PRIMA1: variants seen among roughly 807,000 people sequenced by gnomAD.
The protein encoded by PRIMA1 is proline rich membrane anchor 1.
A neutral mutation model predicts 17.5 loss-of-function variants in PRIMA1; 7 were observed. The observed-to-expected ratio is 0.40, with a 90% CI of 0.23 to 0.75. The LOEUF (loss-of-function observed/expected upper bound fraction) is 0.75, where lower values mean the gene tolerates loss of function less well. PRIMA1 is among the 30% of genes least tolerant of loss of function. PRIMA1 has a pLI of 0.37. For synonymous variants in PRIMA1, 97 were observed against 77.9 expected, an observed-to-expected ratio of 1.25 and a Z score of -1.29; for missense variants, 200 against 201.8, an observed-to-expected ratio of 0.99 and a Z score of 0.05.
intron 4 of PRIMA1, among the ~76,000 whole-genome samples, chr14:93,734,240 C>T (rs537975045): frequency 4.6e-5 from 7 of 152,240 alleles, no homozygotes; most frequent in African/African-American, 1.2e-4. Context: ...GCTTACACCC[C>T]AACTGCCTGC....
rs2076036437 is a variant in PRIMA1 at position 93,721,349 on chromosome 14, GA to G, written c.*94del. 5 of 762,004 alleles carry G rather than the reference GA, an allele frequency of 6.6e-6. No homozygotes were observed. In the African/African-American group the frequency reaches 8.5e-5, roughly 13 times the overall value. 47.2% of individuals were successfully genotyped at this position (762,004 alleles called of 1,614,324 possible). A position where few individuals can be genotyped will look rare whatever the true frequency, so the allele number is the denominator to read the frequency against. Reference sequence around the variant, plus strand: ...GGGCCTGTGAGGCAATGAAGTCCTGGACAAGCTCAGGGTTAGCTCATGTCCA... The same window carrying G: ...GGGCCTGTGAGGCAATGAAGTCCTGGCAAGCTCAGGGTTAGCTCATGTCCA... On this transcript the variant is annotated 3_prime_UTR_variant, in exon 5 of 5. Transcript: ENST00000393140.
At chr14:93,751,680 T>G (rs2076260372) in intron 3 of PRIMA1, among the ~76,000 whole-genome samples, 2 of 152,214 alleles carry the variant, frequency 1.3e-5, no homozygotes, top group African/African-American at 4.8e-5. Flanking sequence ...AAGAATGATT[T>G]GAGTCCAAGT....
chr14:93,732,342 A>G (rs968614866), intron 4 of PRIMA1, among the ~76,000 whole-genome samples: 2 of 152,158 alleles, frequency 1.3e-5, no homozygotes, highest in African/African-American at 2.4e-5. Context: ...GGGCTCCCCA[A>G]GCTGGGATCT....
chr14:93,722,583 G>T (rs1595186212), intron 4 of PRIMA1, among the ~76,000 whole-genome samples: 1 of 144,358 alleles, frequency 6.9e-6, no homozygotes, highest in Non-Finnish European at 1.6e-5. Flanking sequence ...TAAAATGCTG[G>T]TGGTGATAGT....
At chr14:93,773,044 A>G (rs1365761328) in intron 3 of PRIMA1, among the ~76,000 whole-genome samples, 1 of 152,158 alleles carries the variant, frequency 6.6e-6, no homozygotes. Flanking sequence ...CATTCTACAC[A>G]TTTGGAAATT....
intron 3 of PRIMA1, among the ~76,000 whole-genome samples, chr14:93,768,731 C>T (rs1024132382): frequency 1.3e-5 from 2 of 151,892 alleles, no homozygotes; most frequent in Admixed American, 1.3e-4. Flanking sequence ...AATAAATAAA[C>T]AGAAGACTGA....
chr14:93,745,321 A>G (rs1444822784), intron 3 of PRIMA1, among the ~76,000 whole-genome samples: 5 of 152,208 alleles, frequency 3.3e-5, no homozygotes, highest in African/African-American at 4.8e-5. Context: ...GAGCAGCCCA[A>G]GCCACAAGGG....
chr14:93,777,830 C>T (rs1001033382), intron 3 of PRIMA1, among the ~76,000 whole-genome samples: 1 of 152,222 alleles, frequency 6.6e-6, no homozygotes, highest in Admixed American at 6.5e-5. Flanking sequence ...TCTCCTCTGT[C>T]TGACACAGAT....
intron 2 of PRIMA1, among the ~76,000 whole-genome samples, chr14:93,780,240 C>T (rs1196322897): frequency 6.6e-6 from 1 of 152,204 alleles, no homozygotes; most frequent in Non-Finnish European, 1.5e-5. Flanking sequence ...CCAGCCAGAT[C>T]CTTTTGTATG....
chr14:93,726,016 AAG>A lies in PRIMA1; in HGVS notation c.360-4472_360-4471del. On this transcript the variant is annotated intron_variant, in intron 4 of 4. Coordinates refer to ENST00000393140, the MANE Select transcript of PRIMA1 (RefSeq NM_178013.4). The surrounding 1 kb of genome is among the most constrained non-coding windows in gnomAD (Gnocchi z 4.2). ...CTAGATGGCATGGTTCCTAGAAACC[AAG>A]AGAGAGGTTAGTGAGACTTTCCTTG... 1 of 456,624 alleles carries A rather than the reference AAG, an allele frequency of 2.2e-6. No individual in the cohort carries two copies. The highest frequency in any genetic ancestry group is 4.4e-6 in the Non-Finnish European group (1 of 226,928). 28.3% of individuals were successfully genotyped at this position (456,624 alleles called of 1,614,324 possible). A position where few individuals can be genotyped will look rare whatever the true frequency, so the allele number is the denominator to read the frequency against.
At position 93,719,240 on chromosome 14, in the gene PRIMA1, T is replaced by A. The variant is rs2076021744; in HGVS notation, c.*2204A>T. On this transcript the variant is annotated 3_prime_UTR_variant, in exon 5 of 5. Coordinates refer to ENST00000393140, the MANE Select transcript of PRIMA1 (RefSeq NM_178013.4). ...GGATACAGGCCCCAAAACGTGGTGA[T>A]GGCTCAGCTGATTCCTCACCAGGGA... 2.0e-5 allele frequency: 3 copies of A among 152,200 alleles called. No individual in the cohort carries two copies. Among genetic ancestry groups the A allele is most frequent in the Admixed American group, 6.5e-5 (1 of 15,290 alleles). 9.4% of individuals were successfully genotyped at this position (152,200 alleles called of 1,614,324 possible).
intron 4 of PRIMA1, among the ~76,000 whole-genome samples, chr14:93,734,741 G>A (rs1452773996): frequency 8.4e-6 from 1 of 118,936 alleles, no homozygotes; most frequent in Admixed American, 8.8e-5. Flanking sequence ...CCACGCCCTG[G>A]TGGAGCCCCG....
intron 3 of PRIMA1, among the ~76,000 whole-genome samples, chr14:93,757,199 A>AAAGGAAGGAAG (rs1555416490): frequency 0.02 from 3,037 of 151,092 alleles, 110 homozygotes; most frequent in African/African-American, 0.07. Context: ...GGGTTTAAAA[A>AAAGGAAGGAAG]AAGGAAGGAA....
chr14:93,725,419 C>A (rs545571153), intron 4 of PRIMA1, among the ~76,000 whole-genome samples: 1 of 152,268 alleles, frequency 6.6e-6, no homozygotes, highest in South Asian at 2.1e-4. Context: ...CCCATGGAAG[C>A]TGGGTGTTCC....
At chr14:93,777,171 C>A (rs1885242604) in intron 3 of PRIMA1, among the ~76,000 whole-genome samples, 1 of 152,160 alleles carries the variant, frequency 6.6e-6, no homozygotes, top group African/African-American at 2.4e-5. Flanking sequence ...GCCAGGCACA[C>A]GAGGCCCTTC....
intron 2 of PRIMA1, 64 bp downstream of exon 2, chr14:93,787,562 G>A: frequency 7.8e-6 from 12 of 1,535,026 alleles, no homozygotes; most frequent in Non-Finnish European, 1.0e-5. Flanking sequence ...TCTCAGGAGG[G>A]AAGGGACAGC....
chr14:93,763,511 A>G (rs1884796055), intron 3 of PRIMA1, among the ~76,000 whole-genome samples: 1 of 152,194 alleles, frequency 6.6e-6, no homozygotes, highest in South Asian at 2.1e-4. Flanking sequence ...ATTGTCTTCC[A>G]TGGCCCCCAG....
chr14:93,727,171 G>A (rs1400459028), intron 4 of PRIMA1, among the ~76,000 whole-genome samples: 1 of 152,166 alleles, frequency 6.6e-6, no homozygotes, highest in Admixed American at 6.5e-5. Flanking sequence ...CCATCCCCTG[G>A]GATCACCTGT....
At chr14:93,762,046 G>A (rs766332102) in intron 3 of PRIMA1, among the ~76,000 whole-genome samples, 1 of 152,098 alleles carries the variant, frequency 6.6e-6, no homozygotes, top group Non-Finnish European at 1.5e-5. Context: ...AACCTCCCTC[G>A]ATGGTCAGAG....
Sources: allele counts gnomAD v4.1 joint callset (sites outside exome capture counted in the v4.1 genomes callset), GRCh38; gene constraint gnomAD v4.1.1; non-coding constraint Gnocchi (gnomAD v3.1); transcripts MANE v1.5; gene names NCBI Gene and HGNC (gene_info 2026-07-23, HGNC 2026-07-21).